Variants in POU3F3 observed in about 807,000 individuals in gnomAD.
POU3F3 encodes the protein POU domain, class 3, transcription factor 3.
In POU3F3, 1 loss-of-function variant was observed where a neutral mutation model predicts 8.6. The ratio of observed to expected loss-of-function variants is 0.12; its 90% CI spans 0.04 to 0.55. The LOEUF (loss-of-function observed/expected upper bound fraction) is 0.55. POU3F3 is among the 20% of genes least tolerant of loss of function. The pLI is 0.91. For missense variants in POU3F3, 577 were observed against 690.7 expected, an observed-to-expected ratio of 0.84 and a Z score of 1.84; for synonymous variants, 418 against 327.4, an observed-to-expected ratio of 1.28 and a Z score of -2.99.
At chr2:104,902,096 C>T in the POU3F3 span, among the ~76,000 whole-genome samples, 3 of 152,068 alleles carry the variant, frequency 2.0e-5, no homozygotes, top group Admixed American at 2.0e-4. Flanking sequence ...CCTCCAACCT[C>T]CCTCTCCCTA....
chr2:104,856,674 C>T lies in POU3F3; in HGVS notation c.1164C>T (p.Asp388=). The change falls in exon 1 of 1, where the codon GAC becomes GAT. Residue 388 remains aspartate, a synonymous_variant. Coordinates refer to ENST00000361360, the MANE Select transcript of POU3F3 (RefSeq NM_006236.3). ...TGAACAAGTGGCTGGAGGAGGCGGA[C>T]TCAAGCACCGGCAGCCCCACAAGCA... ...PLLNKWLEEA[D]SSTGSPTSID... is the part of the protein sequence containing the mutation. 1.2e-6 allele frequency: 2 copies of T among 1,614,182 alleles called. No homozygotes were observed. Among genetic ancestry groups the T allele is most frequent in the Non-Finnish European group, 1.7e-6 (2 of 1,180,042 alleles).
chr2:104,908,729 A>G, the POU3F3 span, among the ~76,000 whole-genome samples: 1 of 152,226 alleles, frequency 6.6e-6, no homozygotes, highest in African/African-American at 2.4e-5. Context: ...GGTTTCAGTA[A>G]TGATTTTCCA....
Position 104,856,696 on chromosome 2 carries a change from A to G in POU3F3, c.1186A>G (p.Ser396Gly), listed in dbSNP as rs773772879. 3 of 1,614,134 alleles carry G rather than the reference A, an allele frequency of 1.9e-6. No homozygotes were observed. Among genetic ancestry groups the G allele is most frequent in the East Asian group, 2.2e-5 (1 of 44,860 alleles). The change falls in exon 1 of 1, where the codon AGC becomes GGC. Residue 396 changes from serine to glycine, a missense_variant. Coordinates refer to ENST00000361360, the MANE Select transcript of POU3F3 (RefSeq NM_006236.3). ...GGACTCAAGCACCGGCAGCCCCACA[A>G]GCATCGACAAGATCGCGGCGCAGGG... The part of the protein sequence containing the change: ...EADSSTGSPT[S>G]IDKIAAQGRK...
At chr2:104,910,143 T>C in the POU3F3 span, among the ~76,000 whole-genome samples, 1 of 152,194 alleles carries the variant, frequency 6.6e-6, no homozygotes, top group Non-Finnish European at 1.5e-5. Context: ...GAGAAAAATA[T>C]GGTAGCCCTT....
downstream of POU3F3, among the ~76,000 whole-genome samples, chr2:104,862,355 G>C (rs1251759525): frequency 6.6e-6 from 1 of 152,242 alleles, no homozygotes; most frequent in African/African-American, 2.4e-5. Flanking sequence ...GCGCGCGCGT[G>C]CCGTGTGCAT....
downstream of POU3F3, among the ~76,000 whole-genome samples, chr2:104,860,545 C>T (rs879473566): frequency 2.6e-5 from 4 of 152,058 alleles, no homozygotes; most frequent in African/African-American, 4.8e-5. Context: ...CCCCCCCTCC[C>T]CTTCCAACCC....
At chr2:104,895,297 A>C in the POU3F3 span, among the ~76,000 whole-genome samples, 1 of 152,224 alleles carries the variant, frequency 6.6e-6, no homozygotes, top group Non-Finnish European at 1.5e-5. Context: ...CACATATTTT[A>C]GGTAAACAAC....
chr2:104,864,584 T>G, the POU3F3 span, among the ~76,000 whole-genome samples: 1 of 152,230 alleles, frequency 6.6e-6, no homozygotes, highest in Non-Finnish European at 1.5e-5. Context: ...AGCCATTTAT[T>G]TACAAATACA....
the POU3F3 span, among the ~76,000 whole-genome samples, chr2:104,898,848 T>G: frequency 1.3e-5 from 2 of 152,218 alleles, no homozygotes; most frequent in African/African-American, 4.8e-5. Context: ...AAGAATGTAT[T>G]CCAGTAGTCC....
At chr2:104,873,259 C>T in the POU3F3 span, among the ~76,000 whole-genome samples, 2 of 152,196 alleles carry the variant, frequency 1.3e-5, no homozygotes, top group South Asian at 2.1e-4. Flanking sequence ...GTCCGGGACC[C>T]CTTTCCGCCC....
At chr2:104,893,533 T>C in the POU3F3 span, among the ~76,000 whole-genome samples, 1 of 152,228 alleles carries the variant, frequency 6.6e-6, no homozygotes, top group Non-Finnish European at 1.5e-5. Context: ...ATACGGATGC[T>C]GCATTGTTTT....
At chr2:104,893,645 G>A in the POU3F3 span, among the ~76,000 whole-genome samples, 86 of 152,206 alleles carry the variant, frequency 5.7e-4, no homozygotes, top group Non-Finnish European at 8.8e-4. Flanking sequence ...ACCTTGGGAG[G>A]CTGAGGCGGG....
At chr2:104,924,461 AT>A in the POU3F3 span, among the ~76,000 whole-genome samples, 1 of 152,152 alleles carries the variant, frequency 6.6e-6, no homozygotes, top group African/African-American at 2.4e-5. Flanking sequence ...GGAAAGACCC[AT>A]TTGCCCCCAA....
the POU3F3 span, among the ~76,000 whole-genome samples, chr2:104,900,430 G>A: frequency 1.3e-5 from 2 of 152,156 alleles, no homozygotes; most frequent in Non-Finnish European, 2.9e-5. Context: ...TTGACATGAT[G>A]TTTAGACAGT....
At chr2:104,907,101 C>T in the POU3F3 span, among the ~76,000 whole-genome samples, 25 of 152,262 alleles carry the variant, frequency 1.6e-4, no homozygotes, top group Admixed American at 1.4e-3. Context: ...AGCCCCTCAT[C>T]GTCATCCTAG....
At chr2:104,865,268 G>A in the POU3F3 span, 5 of 152,176 alleles carry the variant, frequency 3.3e-5, no homozygotes, top group African/African-American at 1.2e-4. Context: ...TCCAGAGGAA[G>A]GTGGAATCAA....
At chr2:104,896,075 T>C in the POU3F3 span, among the ~76,000 whole-genome samples, 2 of 152,168 alleles carry the variant, frequency 1.3e-5, no homozygotes, top group African/African-American at 4.8e-5. Context: ...GAGCAGGAAC[T>C]CGAACGTGGA....
At position 104,856,223 on chromosome 2, in the gene POU3F3, CG is replaced by C; in HGVS notation, c.717del (p.Gly241AlafsTer128). 3.2e-6 allele frequency: 4 copies of C among 1,268,380 alleles called. No individual in the cohort carries two copies. Among genetic ancestry groups the C allele is most frequent in the East Asian group, 3.3e-5 (1 of 30,408 alleles). 78.6% of individuals were successfully genotyped at this position (1,268,380 alleles called of 1,614,324 possible). ...GTGAACGGCATGCTGAGCGCGCCACCGGGGCCCGGCGGCGGCGGCGGCGGCG... is the reference window on the plus strand; with the variant it reads ...GTGAACGGCATGCTGAGCGCGCCACCGGGCCCGGCGGCGGCGGCGGCGGCG... Reference protein sequence around the residue: ...FTVNGMLSAPPGPGGGGGGAG... With the variant: ...FTVNGMLSAPXGPGGGGGGAG... On this transcript the variant is annotated frameshift_variant, in exon 1 of 1. Coordinates refer to ENST00000361360, the MANE Select transcript of POU3F3 (RefSeq NM_006236.3). LOFTEE classifies it high-confidence loss of function.
chr2:104,859,658 T>C (rs1676633041), downstream of POU3F3, among the ~76,000 whole-genome samples: 2 of 152,208 alleles, frequency 1.3e-5, no homozygotes, highest in South Asian at 4.1e-4. Context: ...GTCACTTTCA[T>C]AAATCAAACC....
Sources: gnomAD v4.1 joint callset for allele counts (sites outside exome capture counted in the v4.1 genomes callset) on GRCh38, gnomAD v4.1.1 for gene constraint, MANE v1.5 for transcripts, NCBI Gene and HGNC (gene_info 2026-07-23, HGNC 2026-07-21) for gene names.